Variants in KLF3 observed in about 807,000 individuals in gnomAD.
KLF3 encodes Krueppel-like factor 3.
Under a neutral mutation model 32.7 loss-of-function variants are expected in KLF3, and 6 were observed. The ratio of observed to expected loss-of-function variants is 0.18; its 90% confidence interval spans 0.10 to 0.36. The LOEUF (loss-of-function observed/expected upper bound fraction) is 0.36, where lower values mean the gene tolerates loss of function less well. KLF3 is among the 10% of genes least tolerant of loss of function. The probability of loss-of-function intolerance (pLI) is 1.00; values close to 1 mark genes in which losing one functional copy is unlikely to be tolerated. For synonymous variants in KLF3, 145 were observed against 172.8 expected, an observed-to-expected ratio of 0.84 and a Z score of 1.26; for missense variants, 338 against 449.7, an observed-to-expected ratio of 0.75 and a Z score of 2.25.
At chr4:38,680,557 C>A in intron 1 of KLF3, 30 bp from the exon 2 acceptor site, 1 of 1,159,128 alleles carries the variant, frequency 8.6e-7, no homozygotes, top group Non-Finnish European at 1.3e-6. Context: ...AACCTTGAGA[C>A]TTAGATGGAT....
chr4:38,680,271 C>T (rs112517305), intron 1 of KLF3, among the ~76,000 whole-genome samples: 4,093 of 151,804 alleles, frequency 0.027, 63 homozygotes, highest in Middle Eastern at 0.095. Flanking sequence ...TGGAGTGCAG[C>T]GGTGCCATTT....
chr4:38,692,565 A>T (rs1310704809), intron 4 of KLF3, among the ~76,000 whole-genome samples: 1 of 152,228 alleles, frequency 6.6e-6, no homozygotes, highest in African/African-American at 2.4e-5. Context: ...TAACATTATT[A>T]TCATCCCCAG....
intron 1 of KLF3, among the ~76,000 whole-genome samples, chr4:38,669,886 T>A (rs1454484148): frequency 1.4e-5 from 1 of 73,204 alleles, no homozygotes; most frequent in Non-Finnish European, 2.3e-5. Flanking sequence ...AGAGTGAGAC[T>A]CTGTCTCAAA....
At chr4:38,667,014 G>T (rs764631606) in intron 1 of KLF3, among the ~76,000 whole-genome samples, 4 of 152,232 alleles carry the variant, frequency 2.6e-5, no homozygotes, top group African/African-American at 9.6e-5. Context: ...CATTAGGAAG[G>T]TCTCTGCTGC....
chr4:38,682,932 T>C (rs1722575071), intron 2 of KLF3, among the ~76,000 whole-genome samples: 1 of 152,212 alleles, frequency 6.6e-6, no homozygotes, highest in Non-Finnish European at 1.5e-5. Context: ...TTTCTTTTTT[T>C]GGTTTTAACT....
At chr4:38,690,045 C>T (rs1722830597) in intron 4 of KLF3, 166 bp downstream of exon 4, 1 of 565,982 alleles carries the variant, frequency 1.8e-6, no homozygotes. Flanking sequence ...GGGAGAATCT[C>T]TCCAAAAACA....
intron 2 of KLF3, among the ~76,000 whole-genome samples, chr4:38,682,861 A>G (rs1237169869): frequency 6.6e-6 from 1 of 152,236 alleles, no homozygotes; most frequent in Non-Finnish European, 1.5e-5. Flanking sequence ...TGACACTTTT[A>G]GAATTTAGTT....
In KLF3 at chr4:38,697,457, C is replaced by T. The variant is rs1038976095; in HGVS notation, c.*194C>T. ...TCTCTAATCCTCCCTCTCCTTACCA[C>T]GGGTCAGACCTAAAGAATGTGAACA... On this transcript the variant is annotated 3_prime_UTR_variant, in exon 6 of 6. Coordinates refer to ENST00000261438, the MANE Select transcript of KLF3 (RefSeq NM_016531.6). The T allele has an allele frequency of 5.6e-5, 26 of 468,366 alleles. No individual in the cohort carries two copies. Among genetic ancestry groups the T allele is most frequent in the Middle Eastern group, 3.1e-4 (1 of 3,272 alleles). The allele number at this position is 468,366 out of a possible 1,614,324, so 29.0% of individuals were successfully genotyped here.
intron 1 of KLF3, among the ~76,000 whole-genome samples, chr4:38,666,049 A>G (rs75726575): frequency 0.032 from 4,818 of 152,342 alleles, 247 homozygotes; most frequent in African/African-American, 0.11. Context: ...CGATTAAATT[A>G]AACTCCCTAG....
chr4:38,697,944 G>A lies in KLF3; in HGVS notation c.*681G>A, dbSNP rs1183515342. On this transcript the variant is annotated 3_prime_UTR_variant, in exon 6 of 6. Transcript: ENST00000261438. ...GGTGATGTGTAGCAGTTCAAGGGAAGGGTGCTGTGTTTTCATAGCATGGAG... is the reference window on the plus strand; with the variant it reads ...GGTGATGTGTAGCAGTTCAAGGGAAAGGTGCTGTGTTTTCATAGCATGGAG... The A allele has an allele frequency of 6.6e-6, 1 of 152,272 alleles. No individual in the cohort carries two copies. The highest frequency in any genetic ancestry group is 1.5e-5 in the Non-Finnish European group (1 of 68,070). The allele number at this position is 152,272 out of a possible 1,614,324, so 9.4% of individuals were successfully genotyped here. A position where few individuals can be genotyped will look rare whatever the true frequency, so the allele number is the denominator to read the frequency against.
chr4:38,675,354 A>G (rs1177999299), intron 1 of KLF3, among the ~76,000 whole-genome samples: 2 of 151,650 alleles, frequency 1.3e-5, no homozygotes, highest in African/African-American at 2.4e-5. Context: ...AAGCACCTCA[A>G]TAACTTAGAA....
rs768041736 is a variant in KLF3 at position 38,689,902 on chromosome 4, A to G, written c.695+23A>G. On this transcript the variant is annotated intron_variant, in intron 4 of 5. Transcript: ENST00000261438. ...AGAGTAAGTATATTTAGGTCTACCC[A>G]GCATTTGCATAGTAGTGTGCATCTT... 50 of 1,499,738 alleles carry G rather than the reference A, an allele frequency of 3.3e-5. No homozygotes were observed. In the South Asian group the frequency reaches 5.8e-4, roughly 17 times the overall value. 92.9% of individuals were successfully genotyped at this position (1,499,738 alleles called of 1,614,324 possible). A position where few individuals can be genotyped will look rare whatever the true frequency, so the allele number is the denominator to read the frequency against.
chr4:38,670,879 A>T (rs1212423105), intron 1 of KLF3, among the ~76,000 whole-genome samples: 1 of 152,220 alleles, frequency 6.6e-6, no homozygotes. Flanking sequence ...TTGAGTACCT[A>T]CTTATTAGAG....
At chr4:38,676,956 GTT>G (rs34392158) in intron 1 of KLF3, among the ~76,000 whole-genome samples, 34,010 of 104,808 alleles carry the variant, frequency 0.32, 4,376 homozygotes, top group South Asian at 0.55. Context: ...GTGCCAGTGT[GTT>G]TTTTTTTTTT....
chr4:38,678,893 T>A (rs1038766407), intron 1 of KLF3, among the ~76,000 whole-genome samples: 4 of 152,224 alleles, frequency 2.6e-5, no homozygotes, highest in Admixed American at 2.6e-4. Flanking sequence ...CAAATTTGGC[T>A]AATGAGTGCC....
rs1263787229 is a variant in KLF3 at position 38,680,910 on chromosome 4, C to T, written c.57+228C>T. The T allele has an allele frequency of 4.0e-5, 15 of 370,832 alleles. 1 individual carries two copies. The highest frequency in any genetic ancestry group is 6.8e-5 in the Non-Finnish European group (13 of 191,004). The allele number at this position is 370,832 out of a possible 1,614,324, so 23.0% of individuals were successfully genotyped here. ...TACTAAAAATACCAAATTAGCCGGG[C>T]GTGGTGGCACATGCCTGTAATCCCA... is the stretch of plus-strand genomic sequence containing the variant. On this transcript the variant is annotated intron_variant, in intron 2 of 5. Coordinates refer to ENST00000261438, the MANE Select transcript of KLF3 (RefSeq NM_016531.6).
At chr4:38,675,397 C>G (rs1054810928) in intron 1 of KLF3, among the ~76,000 whole-genome samples, 3 of 151,870 alleles carry the variant, frequency 2.0e-5, no homozygotes, top group East Asian at 1.9e-4. Context: ...CCTTCCCCCC[C>G]CTTTTGGATG....
intron 2 of KLF3, among the ~76,000 whole-genome samples, chr4:38,682,387 C>T (rs1424616849): frequency 6.6e-6 from 1 of 152,208 alleles, no homozygotes; most frequent in African/African-American, 2.4e-5. Flanking sequence ...GAATGTTATT[C>T]AGTGCTGTCA....
chr4:38,680,822 G>A lies in KLF3; in HGVS notation c.57+140G>A, dbSNP rs558200054. On this transcript the variant is annotated intron_variant, in intron 2 of 5. Coordinates refer to ENST00000261438, the MANE Select transcript of KLF3 (RefSeq NM_016531.6). ...TCCCAGCACTTTGGGAGACCGAGGC[G>A]GGAGGATCACCTGAGGTCGGGAGTT... is the stretch of plus-strand genomic sequence containing the variant. The A allele has an allele frequency of 7.4e-5, 45 of 608,278 alleles. 1 individual carries two copies. The highest frequency in any genetic ancestry group is 6.7e-4 in the South Asian group (40 of 60,138). The allele number at this position is 608,278 out of a possible 1,614,324, so 37.7% of individuals were successfully genotyped here.
Sources: gnomAD v4.1 joint callset for allele counts (sites outside exome capture counted in the v4.1 genomes callset) on GRCh38, gnomAD v4.1.1 for gene constraint, MANE v1.5 for transcripts, NCBI Gene and HGNC (gene_info 2026-07-23, HGNC 2026-07-21) for gene names.